The following TEX14 variants were observed in gnomAD, a reference collection of about 807,000 sequenced individuals.
The protein encoded by TEX14 is inactive serine/threonine-protein kinase TEX14.
A neutral mutation model predicts 178.6 loss-of-function variants in TEX14; 168 were observed. The observed-to-expected ratio is 0.94, with a 90% CI of 0.83 to 1.07. The LOEUF (loss-of-function observed/expected upper bound fraction) is 1.07. Among genes scored for constraint, TEX14 ranks in the 50% least tolerant of loss-of-function variants. The probability of loss-of-function intolerance (pLI) is 0.00; values close to 1 mark genes in which losing one functional copy is unlikely to be tolerated. For missense variants in TEX14, 1,730 were observed against 1,753.6 expected (o/e 0.99, Z 0.24); for synonymous variants, 626 against 634.1 (o/e 0.99, Z 0.19).
chr17:58,558,734 A>G (rs1049834997), intron 30 of TEX14, among the ~76,000 whole-genome samples: 10 of 152,224 alleles, frequency 6.6e-5, no homozygotes, highest in Non-Finnish European at 1.0e-4. Flanking sequence ...CTATCAAAAT[A>G]GTTTTAAAAT....
intron 3 of TEX14, among the ~76,000 whole-genome samples, chr17:58,625,685 C>G (rs1361090566): frequency 6.6e-6 from 1 of 152,122 alleles, no homozygotes; most frequent in Non-Finnish European, 1.5e-5. Context: ...TTGGTACACA[C>G]AGTGTTCAAA....
At chr17:58,639,765 G>A (rs1166073567) in intron 2 of TEX14, among the ~76,000 whole-genome samples, 2 of 152,134 alleles carry the variant, frequency 1.3e-5, no homozygotes, top group Non-Finnish European at 2.9e-5. Flanking sequence ...TCCGGTAATT[G>A]ATTAATCTCA....
chr17:58,598,755 G>A, intron 14 of TEX14, 121 bp downstream of exon 14: 2 of 1,011,634 alleles, frequency 2.0e-6, no homozygotes, highest in Non-Finnish European at 2.9e-6. Flanking sequence ...CAGGTTACCT[G>A]ATGGCTTATC....
rs1388791204 is a variant in TEX14 at position 58,571,962 on chromosome 17, G to A, written c.3676C>T (p.Leu1226Phe). Residue 1226 changes from leucine to phenylalanine, a missense_variant, in exon 24 of 32, where the codon CTT becomes TTT. Transcript: ENST00000349033. ...GAAGGGGGAGTTTCAGAGGAAGTAAGGAGAGAATCCAGTTTCTTTGCTCTC... is the reference window on the plus strand; with the variant it reads ...GAAGGGGGAGTTTCAGAGGAAGTAAAGAGAGAATCCAGTTTCTTTGCTCTC... ...RERAKKLDSL[L>F]TSSETPPSRL... 6.2e-7 allele frequency: 1 copy of A among 1,614,148 alleles called. No individual in the cohort carries two copies. The highest frequency in any genetic ancestry group is 2.2e-5 in the East Asian group (1 of 44,870).
intron 19 of TEX14, among the ~76,000 whole-genome samples, chr17:58,584,060 A>G (rs1284214703): frequency 6.6e-6 from 1 of 152,216 alleles, no homozygotes; most frequent in African/African-American, 2.4e-5. Flanking sequence ...TGCAGTTGTC[A>G]GGCACAAACA....
At chr17:58,581,501 A>T (rs1598355470) in intron 19 of TEX14, 1 of 1,264,984 alleles carries the variant, frequency 7.9e-7, no homozygotes, top group Non-Finnish European at 1.1e-6. Context: ...AGGTATAAAA[A>T]ATCCTGGTAG....
intron 1 of TEX14, among the ~76,000 whole-genome samples, chr17:58,684,179 C>T (rs905606486): frequency 1.2e-4 from 18 of 150,888 alleles, no homozygotes; most frequent in Admixed American, 1.2e-3. Flanking sequence ...ATGCTTCCGC[C>T]CGGCATGGTG....
Position 58,601,887 on chromosome 17 carries a change from C to T in TEX14, c.1597G>A (p.Asp533Asn), listed in dbSNP as rs765791895. The T allele has an allele frequency of 5.0e-6, 8 of 1,613,404 alleles. No individual in the cohort carries two copies. The highest frequency in any genetic ancestry group is 4.5e-5 in the East Asian group (2 of 44,878). Residue 533 changes from aspartate (D) to asparagine (N), a missense_variant, in exon 13 of 32, where the codon GAT (aspartate) becomes AAT (asparagine). By Grantham distance (23) the Asp-to-Asn change is conservative (BLOSUM62 1). This residue lies in a region of TEX14 where 789 missense variants were observed against 681.2 expected (regional missense o/e 1.16). Transcript: ENST00000349033. ...GTCAGTCCTAGATAGACATTGACATCGGGATGGAGTCCGTATCTCTGCACT... is the reference window on the plus strand; with the variant it reads ...GTCAGTCCTAGATAGACATTGACATTGGGATGGAGTCCGTATCTCTGCACT... ...PRVQRYGLHPDVNVYLGLTSE... is the reference protein window; with the variant it reads ...PRVQRYGLHPNVNVYLGLTSE...
At chr17:58,659,439 C>A in intron 1 of TEX14, 1 of 431,928 alleles carries the variant, frequency 2.3e-6, no homozygotes. Flanking sequence ...TCAGACTACA[C>A]CTTCTTTGGT....
chr17:58,585,620 T>G (rs1018756879), intron 18 of TEX14, among the ~76,000 whole-genome samples, 181 bp downstream of exon 18: 1 of 144,438 alleles, frequency 6.9e-6, no homozygotes, highest in Non-Finnish European at 1.5e-5. Flanking sequence ...GTTTTTTTTT[T>G]TTTTTTTTTT....
rs758382938 is a variant in TEX14 at position 58,651,919 on chromosome 17, T to C, written c.83A>G (p.His28Arg). The change falls in exon 2 of 32, where the codon CAT becomes CGT. Residue 28 changes from histidine to arginine, a missense_variant. His to Arg is a conservative substitution (Grantham distance 29, BLOSUM62 0). Coordinates refer to ENST00000349033, the MANE Select transcript of TEX14 (RefSeq NM_031272.5). ...LRNDSLEAQL[H>R]EYVKQGNYVK... The stretch of plus-strand genomic sequence containing the variant: ...ATAGTTCCCTTGTTTGACATACTCA[T>C]GAAGCTGAGCTTCCAGGGAGTCATT... The C allele has an allele frequency of 1.9e-6, 3 of 1,613,394 alleles. No homozygotes were observed. Among genetic ancestry groups the C allele is most frequent in the Non-Finnish European group, 1.7e-6 (2 of 1,179,920 alleles).
At chr17:58,583,489 T>C (rs755563598) in intron 19 of TEX14, among the ~76,000 whole-genome samples, 2 of 152,112 alleles carry the variant, frequency 1.3e-5, no homozygotes, top group Admixed American at 6.6e-5. Context: ...GGTCTTGAAC[T>C]CCTGGCTTTA....
chr17:58,603,670 C>T (rs543343322), intron 11 of TEX14, among the ~76,000 whole-genome samples: 11 of 150,532 alleles, frequency 7.3e-5, no homozygotes, highest in South Asian at 2.1e-4. Flanking sequence ...CTGGCTAATA[C>T]GGTGAAACCC....
At chr17:58,615,464 C>T (rs2045852330) in intron 7 of TEX14, 119 bp from the exon 8 acceptor site, 4 of 696,082 alleles carry the variant, frequency 5.7e-6, no homozygotes, top group Non-Finnish European at 1.0e-5. Context: ...CTGCAATGCC[C>T]ACTGGGCACT....
chr17:58,686,550 G>C (rs970329795), intron 1 of TEX14, among the ~76,000 whole-genome samples: 7 of 152,094 alleles, frequency 4.6e-5, no homozygotes, highest in Admixed American at 4.6e-4. Context: ...GCCATGCCCA[G>C]GTTATGGAGG....
intron 1 of TEX14, among the ~76,000 whole-genome samples, chr17:58,672,216 G>A (rs908806079): frequency 1.3e-5 from 2 of 152,150 alleles, no homozygotes; most frequent in Non-Finnish European, 2.9e-5. Flanking sequence ...ATCACCTCCT[G>A]CTGTGCGGCC....
chr17:58,580,473 G>A (rs1003806089), intron 19 of TEX14, among the ~76,000 whole-genome samples: 15 of 152,050 alleles, frequency 9.9e-5, no homozygotes, highest in African/African-American at 2.2e-4. Context: ...CACTGCGCCC[G>A]GTTAATTTTT....
intron 15 of TEX14, among the ~76,000 whole-genome samples, chr17:58,589,951 C>A (rs2144428530): frequency 6.6e-6 from 1 of 152,120 alleles, no homozygotes; most frequent in East Asian, 1.9e-4. Context: ...GCGACCCTCA[C>A]ACATTGGCCC....
intron 2 of TEX14, among the ~76,000 whole-genome samples, chr17:58,647,734 G>A (rs1420034445): frequency 1.3e-5 from 2 of 150,816 alleles, no homozygotes; most frequent in Non-Finnish European, 1.5e-5. Context: ...TTCCTCTGTC[G>A]CCCAGGCTAG....
Sources: allele counts gnomAD v4.1 joint callset (sites outside exome capture counted in the v4.1 genomes callset), GRCh38; gene constraint gnomAD v4.1.1; regional missense constraint gnomAD v4.1.1; transcripts MANE v1.5; gene names NCBI Gene and HGNC (gene_info 2026-07-23, HGNC 2026-07-21).